RBFOX1: variants seen among roughly 807,000 people sequenced by gnomAD.
The protein encoded by RBFOX1 is RNA binding protein fox-1 homolog 1.
A neutral mutation model predicts 57.7 loss-of-function variants in RBFOX1; 8 were observed. The ratio of observed to expected loss-of-function variants is 0.14; its 90% CI spans 0.08 to 0.25. The LOEUF is 0.25. Ranked by LOEUF, RBFOX1 falls within the 10% of genes least tolerant of loss-of-function variation. The pLI, the probability that RBFOX1 is intolerant of heterozygous loss-of-function variation, is 1.00. For missense variants in RBFOX1, 611 were observed against 548.5 expected (o/e 1.11, Z -1.14); for synonymous variants, 326 against 222.4 (o/e 1.47, Z -4.15).
At chr16:6,595,184 G>A (rs891513358) in intron 2 of RBFOX1, among the ~76,000 whole-genome samples, 4 of 152,074 alleles carry the variant, frequency 2.6e-5, no homozygotes, top group South Asian at 2.1e-4. Flanking sequence ...AGAAAGACAC[G>A]TTGTCCCCAT....
intron 3 of RBFOX1, among the ~76,000 whole-genome samples, chr16:6,801,911 G>C (rs569391651): frequency 2.2e-4 from 33 of 152,216 alleles, no homozygotes; most frequent in African/African-American, 7.7e-4. Context: ...TCTGAGTCCT[G>C]AGGACCTTCA....
intron 1 of RBFOX1, among the ~76,000 whole-genome samples, chr16:5,383,575 G>A (rs920699776): frequency 2.0e-5 from 3 of 152,242 alleles, no homozygotes; most frequent in Non-Finnish European, 4.4e-5. Context: ...TTCTCTGTTT[G>A]TGAAATGGGG....
At chr16:5,741,193 T>G (rs1236660559) in intron 3 of RBFOX1, among the ~76,000 whole-genome samples, 1 of 152,072 alleles carries the variant, frequency 6.6e-6, no homozygotes, top group Non-Finnish European at 1.5e-5. Flanking sequence ...ATCTCATCCC[T>G]CTTTCCTGCA....
intron 4 of RBFOX1, among the ~76,000 whole-genome samples, chr16:7,195,256 G>T (rs1210786493): frequency 1.3e-5 from 2 of 152,152 alleles, no homozygotes; most frequent in Non-Finnish European, 2.9e-5. Context: ...CTCTGGCTGA[G>T]CCTCATTCTC....
chr16:6,784,602 T>C (rs554098605), intron 3 of RBFOX1, among the ~76,000 whole-genome samples: 4 of 152,316 alleles, frequency 2.6e-5, no homozygotes, highest in East Asian at 3.9e-4. Context: ...TCTGTATCTC[T>C]AGGATTGATC....
chr16:5,640,395 T>C (rs747847196), intron 3 of RBFOX1, among the ~76,000 whole-genome samples: 1 of 151,856 alleles, frequency 6.6e-6, no homozygotes, highest in Non-Finnish European at 1.5e-5. Flanking sequence ...CATGCATGCA[T>C]GCACATATAC....
intron 4 of RBFOX1, among the ~76,000 whole-genome samples, chr16:7,278,333 C>G (rs1021261140): frequency 6.6e-6 from 1 of 152,128 alleles, no homozygotes; most frequent in Non-Finnish European, 1.5e-5. Context: ...TTCAGTGTCT[C>G]TAGATGGTGA....
At chr16:7,596,520 TG>T (rs1377752545) in intron 8 of RBFOX1, among the ~76,000 whole-genome samples, 1 of 152,146 alleles carries the variant, frequency 6.6e-6, no homozygotes, top group East Asian at 1.9e-4. Flanking sequence ...CTGGCGATGG[TG>T]GTGAATGGTA....
At chr16:6,628,316 C>T (rs570306092) in intron 2 of RBFOX1, among the ~76,000 whole-genome samples, 39 of 152,258 alleles carry the variant, frequency 2.6e-4, no homozygotes, top group Admixed American at 1.9e-3. Flanking sequence ...TGAAAACTAC[C>T]GGTATCTTCC....
chr16:6,336,318 C>T (rs900908209), intron 2 of RBFOX1, among the ~76,000 whole-genome samples: 2 of 148,374 alleles, frequency 1.3e-5, no homozygotes, highest in African/African-American at 2.5e-5. Context: ...GCCTCAGCCT[C>T]CCGTGTAGCT....
chr16:5,600,963 C>G (rs2047346257), downstream of RBFOX1, among the ~76,000 whole-genome samples: 1 of 152,326 alleles, frequency 6.6e-6, no homozygotes, highest in East Asian at 1.9e-4. Flanking sequence ...CATGGTCACA[C>G]AGCCTGGACT....
At chr16:6,712,789 G>A (rs1282137819) in intron 3 of RBFOX1, among the ~76,000 whole-genome samples, 1 of 151,330 alleles carries the variant, frequency 6.6e-6, no homozygotes, top group African/African-American at 2.4e-5. Context: ...TGGTTTGGCT[G>A]TGTCCCCACC....
chr16:6,117,320 C>T (rs940258614), intron 1 of RBFOX1, among the ~76,000 whole-genome samples: 7 of 152,214 alleles, frequency 4.6e-5, no homozygotes, highest in African/African-American at 1.7e-4. Flanking sequence ...CTTTAAAACT[C>T]AGAAGACAGC....
intron 1 of RBFOX1, among the ~76,000 whole-genome samples, chr16:6,242,484 C>T (rs931931029): frequency 6.6e-6 from 1 of 151,904 alleles, no homozygotes; most frequent in African/African-American, 2.4e-5. Flanking sequence ...CCACTTAGGC[C>T]TCCCAAATTG....
At chr16:6,481,547 C>G (rs78819329) in intron 2 of RBFOX1, among the ~76,000 whole-genome samples, 3,863 of 152,284 alleles carry the variant, frequency 0.025, 155 homozygotes, top group African/African-American at 0.084. Context: ...TTCCACTGGG[C>G]ATGCCAGTGT....
At chr16:6,553,750 G>A (rs1251389338) in intron 2 of RBFOX1, among the ~76,000 whole-genome samples, 2 of 152,302 alleles carry the variant, frequency 1.3e-5, no homozygotes, top group East Asian at 3.9e-4. Flanking sequence ...AAAGGTGATA[G>A]GAGAGGTGGC....
intron 1 of RBFOX1, among the ~76,000 whole-genome samples, chr16:6,230,878 G>C (rs2097454087): frequency 2.0e-5 from 3 of 152,172 alleles, no homozygotes; most frequent in South Asian, 4.1e-4. Context: ...TTCACTCACT[G>C]ACTGTATCGT....
intron 4 of RBFOX1, among the ~76,000 whole-genome samples, chr16:7,198,112 T>G (rs1459127740): frequency 1.4e-5 from 2 of 146,778 alleles, no homozygotes. Flanking sequence ...TTCACGCCAT[T>G]CTCCTGCCTC....
At chr16:7,057,090 A>G (rs1243196437) in intron 4 of RBFOX1, among the ~76,000 whole-genome samples, 1 of 151,838 alleles carries the variant, frequency 6.6e-6, no homozygotes, top group Admixed American at 6.6e-5. Context: ...ATACAGTGTT[A>G]TTCCCAATAA....
Sources: allele counts gnomAD v4.1 joint callset (sites outside exome capture counted in the v4.1 genomes callset), GRCh38; gene constraint gnomAD v4.1.1; transcripts MANE v1.5; gene names NCBI Gene and HGNC (gene_info 2026-07-23, HGNC 2026-07-21).